ADAMTS12: variants seen among roughly 807,000 people sequenced by gnomAD.
ADAMTS12 encodes the protein A disintegrin and metalloproteinase with thrombospondin motifs 12.
ADAMTS12 carries 118 observed loss-of-function variants against 167.8 expected under a neutral mutation model. That is an observed-to-expected ratio of 0.70 (90% CI 0.61 to 0.82). The LOEUF (loss-of-function observed/expected upper bound fraction) is 0.82, where lower values mean the gene tolerates loss of function less well. Ranked by LOEUF, ADAMTS12 falls within the 40% of genes least tolerant of loss-of-function variation. The pLI is 0.00. For missense variants in ADAMTS12, 1,916 were observed against 1,998.8 expected (o/e 0.96, Z 0.79); for synonymous variants, 704 against 716.9 (o/e 0.98, Z 0.29).
At chr5:33,752,406 G>C (rs1393086634) in intron 2 of ADAMTS12, among the ~76,000 whole-genome samples, 2 of 152,188 alleles carry the variant, frequency 1.3e-5, no homozygotes, top group African/African-American at 4.8e-5. Flanking sequence ...AAAGTGATCA[G>C]GAGCTCAGAC....
intron 2 of ADAMTS12, among the ~76,000 whole-genome samples, chr5:33,829,373 T>C (rs187804866): frequency 3.9e-4 from 60 of 152,314 alleles, no homozygotes; most frequent in Admixed American, 1.2e-3. Context: ...TGCTTGGATT[T>C]AATTCTTAAT....
intron 2 of ADAMTS12, among the ~76,000 whole-genome samples, chr5:33,822,881 A>T (rs542912043): frequency 4.5e-4 from 69 of 152,256 alleles, no homozygotes; most frequent in African/African-American, 1.6e-3. Context: ...TGAGGCCAGG[A>T]GTTCAAGATC....
rs1454659511 is a variant in ADAMTS12 at position 33,527,796 on chromosome 5, G to A, written c.4607-430C>T. Among the ~76,000 whole-genome samples the A allele has an allele frequency of 2.6e-5, 4 of 152,334 alleles. No individual in the cohort carries two copies. In the East Asian group the frequency reaches 7.7e-4, roughly 29 times the overall value. On this transcript the variant is annotated intron_variant, in intron 23 of 23. Coordinates refer to ENST00000504830, the MANE Select transcript of ADAMTS12 (RefSeq NM_030955.4). ...TCACCATAAGAAGAACCTGGCTGGT[G>A]CAGCCACCAAGGGTGATAAGAGACA...
At chr5:33,562,631 A>G (rs985376623) in intron 19 of ADAMTS12, among the ~76,000 whole-genome samples, 46 of 150,156 alleles carry the variant, frequency 3.1e-4, no homozygotes, top group Non-Finnish European at 5.3e-4. Context: ...CACTCTCCAT[A>G]TAATTTTTTT....
chr5:33,648,665 G>A (rs142339440), intron 9 of ADAMTS12, among the ~76,000 whole-genome samples, 157 bp downstream of exon 9: 1 of 152,268 alleles, frequency 6.6e-6, no homozygotes, highest in Non-Finnish European at 1.5e-5. Flanking sequence ...TGTGATTCCA[G>A]CTTAATTGTT....
intron 19 of ADAMTS12, among the ~76,000 whole-genome samples, chr5:33,565,323 TA>T (rs1213754059): frequency 1.3e-5 from 2 of 152,208 alleles, no homozygotes; most frequent in Non-Finnish European, 2.9e-5. Flanking sequence ...GTCTAATTTT[TA>T]TATTTTTTTT....
chr5:33,763,609 C>T (rs1745431248), intron 2 of ADAMTS12, among the ~76,000 whole-genome samples: 1 of 152,160 alleles, frequency 6.6e-6, no homozygotes, highest in Admixed American at 6.5e-5. Flanking sequence ...AAAGTAGACC[C>T]ATTCAGGGAA....
At chr5:33,869,952 C>T (rs950736909) in intron 2 of ADAMTS12, among the ~76,000 whole-genome samples, 1 of 152,152 alleles carries the variant, frequency 6.6e-6, no homozygotes, top group African/African-American at 2.4e-5. Flanking sequence ...TTTAGAGGCC[C>T]TCCCTGGGAA....
chr5:33,581,882 T>C (rs190914711), intron 18 of ADAMTS12, among the ~76,000 whole-genome samples: 9 of 152,214 alleles, frequency 5.9e-5, no homozygotes, highest in African/African-American at 1.4e-4. Flanking sequence ...TAGAATGTCA[T>C]GTGAAGATGA....
chr5:33,548,701 A>AGC (rs1745101947), intron 21 of ADAMTS12, among the ~76,000 whole-genome samples: 1 of 99,428 alleles, frequency 1.0e-5, no homozygotes, highest in African/African-American at 4.9e-5. Flanking sequence ...TCATAAAGAG[A>AGC]GCACACACAC....
intron 20 of ADAMTS12, among the ~76,000 whole-genome samples, chr5:33,549,922 G>C (rs912669485): frequency 2.6e-5 from 4 of 152,240 alleles, no homozygotes; most frequent in African/African-American, 9.6e-5. Context: ...GAAGGGCCTT[G>C]AGTAGGGAAA....
intron 2 of ADAMTS12, among the ~76,000 whole-genome samples, chr5:33,826,586 GTATATA>G (rs10594169): frequency 1.0e-4 from 15 of 149,414 alleles, no homozygotes; most frequent in East Asian, 3.9e-4. Context: ...GTGTGTGTGT[GTATATA>G]TATATATATA....
At chr5:33,582,524 C>T (rs1186942416) in intron 18 of ADAMTS12, among the ~76,000 whole-genome samples, 2 of 152,212 alleles carry the variant, frequency 1.3e-5, no homozygotes, top group South Asian at 4.1e-4. Flanking sequence ...TTTGCTGCCA[C>T]GTCTTCTATC....
At chr5:33,880,927 T>G (rs1393363520) in intron 2 of ADAMTS12, 192 bp downstream of exon 2, 3 of 766,222 alleles carry the variant, frequency 3.9e-6, no homozygotes, top group Non-Finnish European at 6.0e-6. Context: ...CCCTTACTCT[T>G]TGTATCTCTC....
intron 3 of ADAMTS12, among the ~76,000 whole-genome samples, chr5:33,719,326 C>T (rs1743724246): frequency 6.6e-6 from 1 of 152,096 alleles, no homozygotes; most frequent in Non-Finnish European, 1.5e-5. Flanking sequence ...GACTTTGTTT[C>T]TCCCAAGAGG....
chr5:33,815,044 G>GGTT (rs537502930), intron 2 of ADAMTS12, among the ~76,000 whole-genome samples: 2 of 152,264 alleles, frequency 1.3e-5, no homozygotes, highest in Admixed American at 6.5e-5. Context: ...TGTCAAGGAG[G>GGTT]GTTGTTGTTG....
intron 2 of ADAMTS12, among the ~76,000 whole-genome samples, chr5:33,802,876 G>A (rs1255368352): frequency 6.6e-6 from 1 of 152,124 alleles, no homozygotes; most frequent in African/African-American, 2.4e-5. Flanking sequence ...ACCTATTTGC[G>A]GCAAAAGTCT....
chr5:33,891,843 T>C lies in ADAMTS12; in HGVS notation c.14A>G (p.Gln5Arg). 6.2e-7 allele frequency: 1 copy of C among 1,614,154 alleles called. No individual in the cohort carries two copies. The highest frequency in any genetic ancestry group is 1.3e-5 in the African/African-American group (1 of 75,054). MPCA[Q>R]RSWLANLSVV... ...GGAAAGGTTTGCAAGCCAGCTCCTC[T>C]GGGCACATGGCATGATTCAGATGTT... is the stretch of plus-strand genomic sequence containing the variant. The change falls in exon 1 of 24, where the codon CAG (glutamine) becomes CGG (arginine). Residue 5 changes from glutamine to arginine, a missense_variant. Gln to Arg is a conservative substitution (Grantham distance 43, BLOSUM62 1). Transcript: ENST00000504830.
At chr5:33,850,035 C>T (rs1459097996) in intron 2 of ADAMTS12, among the ~76,000 whole-genome samples, 1 of 151,978 alleles carries the variant, frequency 6.6e-6, no homozygotes, top group Non-Finnish European at 1.5e-5. Context: ...TTATTACCTG[C>T]TAAACGTATT....
Sources: gnomAD v4.1 joint callset for allele counts (sites outside exome capture counted in the v4.1 genomes callset) on GRCh38, gnomAD v4.1.1 for gene constraint, MANE v1.5 for transcripts, NCBI Gene and HGNC (gene_info 2026-07-23, HGNC 2026-07-21) for gene names.